LRPAP1: variants seen among roughly 807,000 people sequenced by gnomAD.
The protein encoded by LRPAP1 is alpha-2-macroglobulin receptor-associated protein.
In LRPAP1, 41 loss-of-function variants were observed where a neutral mutation model predicts 39.9. That is an observed-to-expected ratio of 1.03 (90% confidence interval 0.80 to 1.33). LRPAP1 has a LOEUF of 1.33. Among genes scored for constraint, LRPAP1 ranks in the 40% most tolerant of loss-of-function variants. The pLI, the probability that LRPAP1 is intolerant of heterozygous loss-of-function variation, is 0.00. For missense variants in LRPAP1, 565 were observed against 482.3 expected, an observed-to-expected ratio of 1.17 and a Z score of -1.61; for synonymous variants, 263 against 212.7, an observed-to-expected ratio of 1.24 and a Z score of -2.06.
chr4:3,529,427 C>T (rs1730180107), intron 1 of LRPAP1, among the ~76,000 whole-genome samples: 1 of 152,218 alleles, frequency 6.6e-6, no homozygotes, highest in African/African-American at 2.4e-5. Context: ...ACGAGTGTGT[C>T]CCTGAGCGCC....
chr4:3,531,326 A>T (rs1405658161), intron 1 of LRPAP1, among the ~76,000 whole-genome samples: 1 of 152,126 alleles, frequency 6.6e-6, no homozygotes, highest in East Asian at 1.9e-4. Flanking sequence ...GTTCCTTCTT[A>T]TTCTGCAAAT....
rs1560245827 is a variant in LRPAP1, at chr4:3,504,276, T to C, written c.*8698A>G. On this transcript the variant is annotated 3_prime_UTR_variant, in exon 8 of 8. Coordinates refer to ENST00000650182, the MANE Select transcript of LRPAP1 (RefSeq NM_002337.4). ...GAACCCTCTCCAGGAGGATGATCCA[T>C]ATAACAGCTCTCAAATAGGCCCCCA... 1 of 152,246 alleles carries C rather than the reference T, an allele frequency of 6.6e-6. No homozygotes were observed. The highest frequency in any genetic ancestry group is 6.5e-5 in the Admixed American group (1 of 15,282). The allele number at this position is 152,246 out of a possible 1,614,324, so 9.4% of individuals were successfully genotyped here.
At chr4:3,517,809 C>T in intron 5 of LRPAP1, 2 of 495,246 alleles carry the variant, frequency 4.0e-6, no homozygotes, top group Non-Finnish European at 6.9e-6. Context: ...CCACTGCCCT[C>T]TGCTAGTCTC....
intron 1 of LRPAP1, among the ~76,000 whole-genome samples, chr4:3,528,235 G>T (rs146023462): frequency 1.3e-5 from 2 of 152,188 alleles, no homozygotes; most frequent in African/African-American, 4.8e-5. Flanking sequence ...ATGAAGCAGC[G>T]AGGCAAATCA....
chr4:3,505,139 C>A lies in LRPAP1; in HGVS notation c.*7835G>T, dbSNP rs1729314785. Among the ~76,000 whole-genome samples the A allele has an allele frequency of 6.6e-6, 1 of 152,138 alleles. No individual in the cohort carries two copies. Among genetic ancestry groups the A allele is most frequent in the Non-Finnish European group, 1.5e-5 (1 of 68,014 alleles). On this transcript the variant is annotated 3_prime_UTR_variant, in exon 8 of 8. Transcript: ENST00000650182. The stretch of plus-strand genomic sequence containing the variant: ...CACGCACGCAGCCATAGTGGGCTGG[C>A]TAAGCTGCAGGTTGTGCCTGAGCTC...
chr4:3,519,457 C>T lies in LRPAP1; in HGVS notation c.472-466G>A, dbSNP rs932919945. On this transcript the variant is annotated intron_variant, in intron 3 of 7. Coordinates refer to ENST00000650182, the MANE Select transcript of LRPAP1 (RefSeq NM_002337.4). ...GCCCTCTCTCCCTCTCTGCCCCCTT[C>T]TACCGACTCCATCTCTCCTGGCCAA... is the stretch of plus-strand genomic sequence containing the variant. Among the ~76,000 whole-genome samples, 2 of 152,246 alleles carry T rather than the reference C, an allele frequency of 1.3e-5. 1 individual carries two copies. The highest frequency in any genetic ancestry group is 4.8e-5 in the African/African-American group (2 of 41,472).
chr4:3,513,214 A>G, intron 7 of LRPAP1, among the ~76,000 whole-genome samples, 178 bp from the exon 8 acceptor site: 1 of 152,248 alleles, frequency 6.6e-6, no homozygotes, highest in East Asian at 1.9e-4. Flanking sequence ...GCTCAGTACT[A>G]ACTAGAAAAT....
At chr4:3,516,328 C>T (rs1216972613) in intron 5 of LRPAP1, 130 bp from the exon 6 acceptor site, 7 of 572,766 alleles carry the variant, frequency 1.2e-5, no homozygotes, top group Non-Finnish European at 2.1e-5. Flanking sequence ...GTGTGTGAAA[C>T]ACGGGTGCGT....
At chr4:3,518,219 G>A (rs773154893) in intron 4 of LRPAP1, 27 bp from the exon 5 acceptor site, 9 of 1,595,996 alleles carry the variant, frequency 5.6e-6, no homozygotes, top group Non-Finnish European at 7.7e-6. Context: ...AGGACGCCAT[G>A]AGGCTGGGAG....
At chr4:3,516,048 T>TA in intron 6 of LRPAP1, 68 bp downstream of exon 6, 1 of 1,454,986 alleles carries the variant, frequency 6.9e-7, no homozygotes, top group Non-Finnish European at 9.4e-7. Flanking sequence ...TGCATTTCCT[T>TA]ACCCGGAAAC....
At chr4:3,522,185 C>T (rs1729929225) in intron 2 of LRPAP1, among the ~76,000 whole-genome samples, 1 of 152,222 alleles carries the variant, frequency 6.6e-6, no homozygotes, top group Non-Finnish European at 1.5e-5. Flanking sequence ...CACCCCCAGG[C>T]CGTGCACCCC....
chr4:3,521,682 A>G (rs930789960), intron 2 of LRPAP1, among the ~76,000 whole-genome samples: 2 of 152,150 alleles, frequency 1.3e-5, no homozygotes, highest in East Asian at 3.9e-4. Context: ...TGATCTTCCT[A>G]AGCGTGAAAA....
chr4:3,515,784 G>C, intron 6 of LRPAP1: 1 of 375,856 alleles, frequency 2.7e-6, no homozygotes, highest in Non-Finnish European at 4.9e-6. Context: ...AACGATCCCG[G>C]TAGTGTCCTT....
chr4:3,526,598 G>C (rs1331891214), intron 1 of LRPAP1, among the ~76,000 whole-genome samples: 1 of 152,222 alleles, frequency 6.6e-6, no homozygotes, highest in Non-Finnish European at 1.5e-5. Context: ...CTTGCAGCCC[G>C]AGACCTCAGG....
intron 1 of LRPAP1, among the ~76,000 whole-genome samples, chr4:3,526,750 T>G (rs1730090006): frequency 6.6e-6 from 1 of 152,180 alleles, no homozygotes; most frequent in South Asian, 2.1e-4. Flanking sequence ...GAGCCCATCC[T>G]GCTCCCTGCA....
At chr4:3,521,802 T>C (rs529675416) in intron 2 of LRPAP1, among the ~76,000 whole-genome samples, 1 of 152,326 alleles carries the variant, frequency 6.6e-6, no homozygotes, top group East Asian at 1.9e-4. Flanking sequence ...CTCAACCACA[T>C]GCTGGGCCTG....
chr4:3,506,376 T>G lies in LRPAP1; in HGVS notation c.*6598A>C, dbSNP rs909068303. 4 of 125,120 alleles carry G rather than the reference T, an allele frequency of 3.2e-5. No homozygotes were observed. Among genetic ancestry groups the G allele is most frequent in the African/African-American group, 6.5e-5 (2 of 30,808 alleles). 7.8% of individuals were successfully genotyped at this position (125,120 alleles called of 1,614,324 possible). A position where few individuals can be genotyped will look rare whatever the true frequency, so the allele number is the denominator to read the frequency against. ...CCACCCACACTTGGCTCAAGCTGGGTTTTTTTTTTTTTTTGAGGCGAAGTC... is the reference window on the plus strand; with the variant it reads ...CCACCCACACTTGGCTCAAGCTGGGGTTTTTTTTTTTTTTGAGGCGAAGTC... On this transcript the variant is annotated 3_prime_UTR_variant, in exon 8 of 8. Coordinates refer to ENST00000650182, the MANE Select transcript of LRPAP1 (RefSeq NM_002337.4).
At chr4:3,525,417 G>T (rs1407211128) in intron 1 of LRPAP1, among the ~76,000 whole-genome samples, 1 of 151,946 alleles carries the variant, frequency 6.6e-6, no homozygotes, top group Non-Finnish European at 1.5e-5. Context: ...TACCATTGCA[G>T]ATACATATTG....
chr4:3,526,044 G>T (rs951932664), intron 1 of LRPAP1, among the ~76,000 whole-genome samples: 2 of 152,236 alleles, frequency 1.3e-5, no homozygotes, highest in African/African-American at 2.4e-5. Context: ...GAACCAGAAC[G>T]TGTCATGAGG....
Sources: allele counts gnomAD v4.1 joint callset (sites outside exome capture counted in the v4.1 genomes callset), GRCh38; gene constraint gnomAD v4.1.1; transcripts MANE v1.5; gene names NCBI Gene and HGNC (gene_info 2026-07-23, HGNC 2026-07-21).